Variants in ACOXL observed in about 807,000 individuals in gnomAD.
ACOXL encodes acyl-coenzyme A oxidase-like protein.
ACOXL carries 70 observed loss-of-function variants against 71.9 expected under a neutral mutation model. The ratio of observed to expected loss-of-function variants is 0.97; its 90% CI spans 0.80 to 1.19. ACOXL has a LOEUF of 1.19. Among genes scored for constraint, ACOXL ranks in the 50% most tolerant of loss-of-function variants. ACOXL has a pLI of 0.00. For missense variants in ACOXL, 703 were observed against 736.3 expected, an observed-to-expected ratio of 0.95 and a Z score of 0.52; for synonymous variants, 253 against 281.6, an observed-to-expected ratio of 0.90 and a Z score of 1.02.
At chr2:110,886,142 A>G (rs1365679018) in intron 10 of ACOXL, among the ~76,000 whole-genome samples, 1 of 152,248 alleles carries the variant, frequency 6.6e-6, no homozygotes, top group Non-Finnish European at 1.5e-5. Flanking sequence ...TGTGCACACG[A>G]AGGCACATGT....
chr2:111,044,345 T>C (rs1434900404), intron 15 of ACOXL, among the ~76,000 whole-genome samples: 1 of 152,174 alleles, frequency 6.6e-6, no homozygotes, highest in Non-Finnish European at 1.5e-5. Flanking sequence ...GAAAAGAGGC[T>C]TAAGGTATTT....
At position 110,929,359 on chromosome 2, in the gene ACOXL, G is replaced by A. The variant is rs371378293; in HGVS notation, c.906-4130G>A. On this transcript the variant is annotated intron_variant, in intron 11 of 17. Coordinates refer to ENST00000439055, the MANE Select transcript of ACOXL (RefSeq NM_001142807.4). ...CGGCCCTAGAGATGTGTGGAACTTTGAACTTGAGGGAGATGATTTAGGGTA... is the reference window on the plus strand; with the variant it reads ...CGGCCCTAGAGATGTGTGGAACTTTAAACTTGAGGGAGATGATTTAGGGTA... Among the ~76,000 whole-genome samples the A allele has an allele frequency of 2.0e-5, 3 of 152,282 alleles. No individual in the cohort carries two copies. In the East Asian group the frequency reaches 5.8e-4, roughly 29 times the overall value.
At chr2:110,885,488 A>AT (rs1323907324) in intron 10 of ACOXL, among the ~76,000 whole-genome samples, 3 of 151,402 alleles carry the variant, frequency 2.0e-5, no homozygotes, top group Non-Finnish European at 4.4e-5. Context: ...TATTATTATT[A>AT]TTTTTTTACA....
intron 2 of ACOXL, among the ~76,000 whole-genome samples, chr2:110,770,210 G>A (rs1286312388): frequency 6.6e-6 from 1 of 152,206 alleles, no homozygotes; most frequent in East Asian, 1.9e-4. Flanking sequence ...GGGAGGGAGA[G>A]TCTGAGGACT....
chr2:110,931,555 C>G (rs1333309515), intron 11 of ACOXL, among the ~76,000 whole-genome samples: 1 of 152,106 alleles, frequency 6.6e-6, no homozygotes, highest in Non-Finnish European at 1.5e-5. Context: ...AAAGAACATG[C>G]TATTTAGGAA....
At chr2:110,778,971 A>G (rs548334825) in intron 2 of ACOXL, among the ~76,000 whole-genome samples, 7 of 152,324 alleles carry the variant, frequency 4.6e-5, no homozygotes, top group South Asian at 4.1e-4. Flanking sequence ...ACCAATATCA[A>G]TCGATTCTGT....
At chr2:111,019,125 C>T (rs11896876) in intron 14 of ACOXL, among the ~76,000 whole-genome samples, 25,305 of 152,164 alleles carry the variant, frequency 0.17, 3,038 homozygotes, top group African/African-American at 0.32. Flanking sequence ...TTCAGCTGAA[C>T]GTGAAGATCA....
At chr2:110,873,776 G>A (rs569014014) in intron 10 of ACOXL, among the ~76,000 whole-genome samples, 1 of 152,300 alleles carries the variant, frequency 6.6e-6, no homozygotes, top group African/African-American at 2.4e-5. Flanking sequence ...CTGTTCAATT[G>A]CGTTTTCTAC....
intron 1 of ACOXL, among the ~76,000 whole-genome samples, chr2:110,759,945 T>G (rs912758070): frequency 6.6e-6 from 1 of 152,040 alleles, no homozygotes; most frequent in African/African-American, 2.4e-5. Flanking sequence ...TATATTTTAA[T>G]TTTGTTTTAT....
At chr2:111,093,633 GGC>G in intron 17 of ACOXL, 2 of 1,266,524 alleles carry the variant, frequency 1.6e-6, no homozygotes, top group Non-Finnish European at 2.2e-6. Flanking sequence ...GGGAGGCTGA[GGC>G]GGGCAGATCT....
chr2:111,117,869 C>T lies in ACOXL; in HGVS notation c.*53C>T, dbSNP rs2150101234. On this transcript the variant is annotated 3_prime_UTR_variant, in exon 18 of 18. Transcript: ENST00000439055. ...GCCAGCAGCTGCCACGACGCTCGCT[C>T]CACCGACGCCCAGAGCTGTGGCCGA... is the stretch of plus-strand genomic sequence containing the variant. The T allele has an allele frequency of 6.6e-7, 1 of 1,516,464 alleles. No homozygotes were observed. The highest frequency in any genetic ancestry group is 2.5e-5 in the East Asian group (1 of 40,632). 93.9% of individuals were successfully genotyped at this position (1,516,464 alleles called of 1,614,324 possible). A position where few individuals can be genotyped will look rare whatever the true frequency, so the allele number is the denominator to read the frequency against.
At chr2:110,972,975 G>A (rs1163056888) in intron 12 of ACOXL, among the ~76,000 whole-genome samples, 1 of 152,186 alleles carries the variant, frequency 6.6e-6, no homozygotes, top group Admixed American at 6.5e-5. Flanking sequence ...ATTGGTTTAG[G>A]CACAGTGAGC....
intron 12 of ACOXL, among the ~76,000 whole-genome samples, chr2:110,963,307 T>G (rs3789106): frequency 0.34 from 50,392 of 146,722 alleles, 9,778 homozygotes; most frequent in Middle Eastern, 0.51. Flanking sequence ...ATTAGAATTT[T>G]GAAGAACGAG....
At chr2:110,821,169 T>C (rs887044556) in intron 9 of ACOXL, among the ~76,000 whole-genome samples, 2 of 152,230 alleles carry the variant, frequency 1.3e-5, no homozygotes, top group African/African-American at 4.8e-5. Flanking sequence ...GGGGAGGCCC[T>C]GCCCTTCCTC....
At chr2:111,006,233 A>G (rs1429074145) in intron 14 of ACOXL, among the ~76,000 whole-genome samples, 4 of 152,230 alleles carry the variant, frequency 2.6e-5, no homozygotes, top group Admixed American at 6.5e-5. Flanking sequence ...CACCTCGTGT[A>G]AAAGTGAGGT....
chr2:110,843,166 T>A (rs1691382709), intron 10 of ACOXL, among the ~76,000 whole-genome samples: 1 of 152,222 alleles, frequency 6.6e-6, no homozygotes, highest in Admixed American at 6.5e-5. Flanking sequence ...TGAGGACAGC[T>A]AAGATCTTGC....
intron 9 of ACOXL, among the ~76,000 whole-genome samples, chr2:110,816,224 A>T (rs996165225): frequency 6.6e-6 from 1 of 151,902 alleles, no homozygotes; most frequent in Non-Finnish European, 1.5e-5. Flanking sequence ...TGATGGATGG[A>T]TGGATGGATG....
At chr2:110,927,100 AAAGGGGAAGC>A (rs1185460204) in intron 11 of ACOXL, among the ~76,000 whole-genome samples, 1 of 152,166 alleles carries the variant, frequency 6.6e-6, no homozygotes, top group East Asian at 1.9e-4. Flanking sequence ...GGTGGAAGGC[AAAGGGGAAGC>A]AAGCACCTTT....
At chr2:110,914,103 C>G (rs1216852406) in intron 11 of ACOXL, among the ~76,000 whole-genome samples, 1 of 152,056 alleles carries the variant, frequency 6.6e-6, no homozygotes, top group Non-Finnish European at 1.5e-5. Flanking sequence ...CTTAAATATA[C>G]TAGAAATCAC....
Sources: gnomAD v4.1 joint callset for allele counts (sites outside exome capture counted in the v4.1 genomes callset) on GRCh38, gnomAD v4.1.1 for gene constraint, MANE v1.5 for transcripts, NCBI Gene and HGNC (gene_info 2026-07-23, HGNC 2026-07-21) for gene names.